The following DACH2 variants were observed in gnomAD, a reference collection of about 807,000 sequenced individuals.
DACH2 encodes dachshund homolog 2.
In DACH2, 17 loss-of-function variants were observed where a neutral mutation model predicts 35.8. The observed-to-expected ratio is 0.48, with a 90% CI of 0.33 to 0.71. The LOEUF (loss-of-function observed/expected upper bound fraction) is 0.71, where lower values mean the gene tolerates loss of function less well. Among genes scored for constraint, DACH2 ranks in the 30% least tolerant of loss-of-function variants. The probability of loss-of-function intolerance (pLI) is 0.02; values close to 1 mark genes in which losing one functional copy is unlikely to be tolerated. For missense variants in DACH2, 469 were observed against 472.7 expected (o/e 0.99, Z 0.07); for synonymous variants, 195 against 177.3 (o/e 1.10, Z -0.79).
chrX:86,518,462 A>G (rs1398440467), intron 3 of DACH2, among the ~76,000 whole-genome samples: 1 of 112,006 alleles, frequency 8.9e-6, no homozygotes, highest in African/African-American at 3.2e-5. Context: ...CAGGAATAGT[A>G]TTGAATCTGT....
At chrX:86,795,988 A>G (rs968916465) in intron 7 of DACH2, among the ~76,000 whole-genome samples, 2 of 111,567 alleles carry the variant, frequency 1.8e-5, no homozygotes, top group Admixed American at 9.5e-5. Flanking sequence ...TATTGTGAAG[A>G]GCGAAAGAAC....
chrX:86,296,343 T>C (rs1232226290), intron 1 of DACH2, among the ~76,000 whole-genome samples: 1 of 91,322 alleles, frequency 1.1e-5, no homozygotes, highest in African/African-American at 4.3e-5. Context: ...ATTGCGCCAC[T>C]GCACTCCTGC....
At chrX:86,285,567 T>A (rs143858341) in intron 1 of DACH2, among the ~76,000 whole-genome samples, 89 of 112,176 alleles carry the variant, frequency 7.9e-4, no homozygotes, top group Non-Finnish European at 1.5e-3. Context: ...TTAAGACTTG[T>A]TTTATGACCT....
At chrX:86,287,968 A>G (rs1445828761) in intron 1 of DACH2, among the ~76,000 whole-genome samples, 3 of 111,539 alleles carry the variant, frequency 2.7e-5, no homozygotes, top group African/African-American at 9.8e-5. Flanking sequence ...AGTGTCTGGG[A>G]ATTGAAGTGT....
intron 3 of DACH2, among the ~76,000 whole-genome samples, chrX:86,582,820 TA>T (rs1239016696): frequency 6.5e-5 from 7 of 108,168 alleles, no homozygotes; most frequent in Admixed American, 2.0e-4. Flanking sequence ...TAAAACTATT[TA>T]AAAAAAAAAT....
intron 1 of DACH2, among the ~76,000 whole-genome samples, chrX:86,177,906 T>G (rs2031356982): frequency 9.0e-6 from 1 of 111,422 alleles, no homozygotes; most frequent in African/African-American, 3.3e-5. Flanking sequence ...TCAATCAGGA[T>G]AGGTTGTCCT....
intron 1 of DACH2, among the ~76,000 whole-genome samples, chrX:86,255,685 A>G (rs1251335015): frequency 8.9e-6 from 1 of 111,776 alleles, no homozygotes; most frequent in Non-Finnish European, 1.9e-5. Context: ...CCAGCAGTCT[A>G]AGTTAACCTA....
intron 7 of DACH2, among the ~76,000 whole-genome samples, chrX:86,759,424 C>CTAAG (rs981815698): frequency 1.8e-5 from 2 of 111,401 alleles, no homozygotes; most frequent in African/African-American, 6.5e-5. Context: ...TCTGTTTTAT[C>CTAAG]TAAGTATAGC....
intron 7 of DACH2, among the ~76,000 whole-genome samples, chrX:86,791,932 A>G (rs1474879145): frequency 8.9e-6 from 1 of 111,989 alleles, no homozygotes; most frequent in South Asian, 3.7e-4. Context: ...TTGATTACTG[A>G]TAAAGCATAT....
At chrX:86,737,001 C>A (rs2041603107) in intron 6 of DACH2, among the ~76,000 whole-genome samples, 1 of 111,264 alleles carries the variant, frequency 9.0e-6, no homozygotes, top group Admixed American at 9.6e-5. Context: ...GCAAAAATGG[C>A]CACATATATT....
At chrX:86,745,003 G>C (rs907549627) in intron 7 of DACH2, among the ~76,000 whole-genome samples, 1 of 110,530 alleles carries the variant, frequency 9.0e-6, no homozygotes, top group African/African-American at 3.3e-5. Flanking sequence ...TAGGGTTTTT[G>C]TGATATTTTG....
chrX:86,273,289 ATT>A (rs1287276431), intron 1 of DACH2, among the ~76,000 whole-genome samples: 1 of 111,455 alleles, frequency 9.0e-6, no homozygotes, highest in Non-Finnish European at 1.9e-5. Flanking sequence ...TCAATTTCCT[ATT>A]TGTTTATTTT....
intron 6 of DACH2, among the ~76,000 whole-genome samples, chrX:86,725,312 G>A (rs1392373938): frequency 2.7e-5 from 3 of 111,525 alleles, no homozygotes; most frequent in African/African-American, 9.8e-5. Context: ...CTTTTATACA[G>A]GAGGATTTTT....
chrX:86,638,292 C>T (rs1479022214), intron 3 of DACH2, among the ~76,000 whole-genome samples: 9 of 111,719 alleles, frequency 8.1e-5, no homozygotes, highest in Non-Finnish European at 5.6e-5. Context: ...AATGTAACAC[C>T]TGAAATTATA....
intron 3 of DACH2, among the ~76,000 whole-genome samples, chrX:86,632,545 A>C (rs1184949109): frequency 9.2e-6 from 1 of 109,205 alleles, no homozygotes; most frequent in Non-Finnish European, 1.9e-5. Flanking sequence ...TTTTCAAACT[A>C]TTATGTTGAA....
chrX:86,411,994 A>G (rs909202888), intron 2 of DACH2, among the ~76,000 whole-genome samples: 1 of 111,460 alleles, frequency 9.0e-6, no homozygotes, highest in African/African-American at 3.3e-5. Flanking sequence ...AGAGACACCT[A>G]ATGGATCTCC....
chrX:86,480,382 C>A (rs1439123138), intron 2 of DACH2, among the ~76,000 whole-genome samples: 9 of 111,851 alleles, frequency 8.0e-5, no homozygotes, highest in Non-Finnish European at 1.7e-4. Context: ...TACAAGCACC[C>A]CTTTGGCCAC....
intron 1 of DACH2, among the ~76,000 whole-genome samples, chrX:86,231,145 T>G (rs1000303610): frequency 7.1e-5 from 8 of 112,184 alleles, no homozygotes; most frequent in Non-Finnish European, 1.5e-4. Flanking sequence ...CTCTTAGCAC[T>G]GCCTTAGCTG....
intron 7 of DACH2, among the ~76,000 whole-genome samples, chrX:86,745,819 T>C (rs1308606985): frequency 9.0e-6 from 1 of 111,528 alleles, no homozygotes; most frequent in Non-Finnish European, 1.9e-5. Flanking sequence ...CAAACTGCTT[T>C]CCCCAGTGAC....
Sources: allele counts gnomAD v4.1 joint callset (sites outside exome capture counted in the v4.1 genomes callset), GRCh38; gene constraint gnomAD v4.1.1; transcripts MANE v1.5; gene names NCBI Gene and HGNC (gene_info 2026-07-23, HGNC 2026-07-21).